The following CRACDL variants were observed in gnomAD, a reference collection of about 807,000 sequenced individuals.
CRACDL encodes the protein CRACD like.
CRACDL carries 26 observed loss-of-function variants against 70.6 expected under a neutral mutation model. The observed-to-expected ratio is 0.37, with a 90% CI of 0.27 to 0.51. The LOEUF is 0.51. Ranked by LOEUF, CRACDL falls within the 20% of genes least tolerant of loss-of-function variation. The pLI, the probability that CRACDL is intolerant of heterozygous loss-of-function variation, is 0.94. For missense variants in CRACDL, 1,283 were observed against 1,376.9 expected (o/e 0.93, Z 1.08); for synonymous variants, 618 against 615.2 (o/e 1.00, Z -0.07).
At chr2:98,868,312 C>G (rs1217054401) in intron 1 of CRACDL, among the ~76,000 whole-genome samples, 1 of 152,230 alleles carries the variant, frequency 6.6e-6, no homozygotes, top group African/African-American at 2.4e-5. Flanking sequence ...ACAACAATTT[C>G]CCAAGACCGT....
At chr2:98,932,558 G>A (rs1285131318) in intron 1 of CRACDL, among the ~76,000 whole-genome samples, 1 of 152,146 alleles carries the variant, frequency 6.6e-6, no homozygotes, top group African/African-American at 2.4e-5. Context: ...ACGGTGGTTT[G>A]GAAGACGCCC....
At chr2:98,908,157 GCTCC>G (rs1708460528) in intron 1 of CRACDL, among the ~76,000 whole-genome samples, 1 of 152,226 alleles carries the variant, frequency 6.6e-6, no homozygotes, top group African/African-American at 2.4e-5. Context: ...GTACCCTGGA[GCTCC>G]TTTCATGTTC....
intron 1 of CRACDL, among the ~76,000 whole-genome samples, chr2:98,855,285 CAA>C (rs1209549636): frequency 2.6e-4 from 25 of 96,592 alleles, no homozygotes; most frequent in East Asian, 2.9e-4. Flanking sequence ...GACTCCATCT[CAA>C]AAAAAAAAAA....
chr2:98,825,230 C>G (rs1363675238), intron 6 of CRACDL, among the ~76,000 whole-genome samples: 1 of 152,130 alleles, frequency 6.6e-6, no homozygotes, highest in Admixed American at 6.5e-5. Flanking sequence ...AAAATATGGA[C>G]ACCTCTGAGA....
At chr2:98,805,506 C>T (rs1376545575) in intron 7 of CRACDL, among the ~76,000 whole-genome samples, 1 of 152,168 alleles carries the variant, frequency 6.6e-6, no homozygotes, top group Non-Finnish European at 1.5e-5. Context: ...CGTAGGGCCT[C>T]ACCCCCTTTG....
chr2:98,912,460 C>T (rs1708567511), intron 1 of CRACDL, among the ~76,000 whole-genome samples: 1 of 152,242 alleles, frequency 6.6e-6, no homozygotes, highest in African/African-American at 2.4e-5. Context: ...ATGTTTGTCT[C>T]CGGCAGGCGG....
At chr2:98,889,859 T>G (rs1707918078) in intron 1 of CRACDL, among the ~76,000 whole-genome samples, 1 of 152,092 alleles carries the variant, frequency 6.6e-6, no homozygotes, top group South Asian at 2.1e-4. Context: ...CAAAAGAAAT[T>G]TGAGAAATTC....
intron 9 of CRACDL, among the ~76,000 whole-genome samples, chr2:98,795,059 A>T (rs1451451975): frequency 0.055 from 2,253 of 40,780 alleles, 407 homozygotes; most frequent in South Asian, 0.23. Context: ...ATATATATAT[A>T]TATATATATA....
At chr2:98,891,289 A>G (rs112875429) in intron 1 of CRACDL, among the ~76,000 whole-genome samples, 5,245 of 148,402 alleles carry the variant, frequency 0.035, 125 homozygotes, top group Non-Finnish European at 0.055. Context: ...AGGCAGGAGA[A>G]TCACTTGAAT....
intron 1 of CRACDL, among the ~76,000 whole-genome samples, chr2:98,892,595 C>A (rs1708007368): frequency 6.6e-6 from 1 of 151,752 alleles, no homozygotes; most frequent in African/African-American, 2.4e-5. Flanking sequence ...GAGGCTGAGG[C>A]AGGAGAATCG....
intron 1 of CRACDL, among the ~76,000 whole-genome samples, chr2:98,885,430 A>G (rs1707774961): frequency 1.3e-5 from 2 of 152,132 alleles, no homozygotes; most frequent in South Asian, 4.1e-4. Flanking sequence ...TAGCAACTGC[A>G]TTTTTAAAGT....
At chr2:98,896,522 T>C (rs987592749) in intron 1 of CRACDL, among the ~76,000 whole-genome samples, 5 of 152,074 alleles carry the variant, frequency 3.3e-5, no homozygotes, top group Non-Finnish European at 4.4e-5. Flanking sequence ...AGCTGCAAAC[T>C]CCACAATCTT....
chr2:98,902,867 A>C (rs1708316032), intron 1 of CRACDL, among the ~76,000 whole-genome samples: 1 of 152,120 alleles, frequency 6.6e-6, no homozygotes, highest in African/African-American at 2.4e-5. Context: ...GAAGCCCCAG[A>C]AAACATGCCC....
chr2:98,799,448 G>A (rs982666066), intron 7 of CRACDL, among the ~76,000 whole-genome samples: 3 of 151,976 alleles, frequency 2.0e-5, no homozygotes, highest in African/African-American at 7.3e-5. Context: ...AGCCAGGGAC[G>A]GCTCTCACTC....
At chr2:98,812,873 G>A (rs1249797958) in intron 7 of CRACDL, among the ~76,000 whole-genome samples, 1 of 152,092 alleles carries the variant, frequency 6.6e-6, no homozygotes, top group Non-Finnish European at 1.5e-5. Flanking sequence ...TTTTAATAAT[G>A]TCCAATTCAT....
At chr2:98,876,485 C>T (rs760271744) in intron 1 of CRACDL, among the ~76,000 whole-genome samples, 10 of 152,134 alleles carry the variant, frequency 6.6e-5, no homozygotes, top group Non-Finnish European at 1.5e-4. Context: ...ATTAGATTCT[C>T]ATAGGAGTGC....
chr2:98,840,787 G>T (rs181893685), intron 2 of CRACDL: 1 of 152,194 alleles, frequency 6.6e-6, no homozygotes, highest in Non-Finnish European at 1.5e-5. Context: ...ATCTTGCTGG[G>T]GAAATGAACA....
intron 1 of CRACDL, among the ~76,000 whole-genome samples, chr2:98,877,949 CT>C (rs35403434): frequency 0.041 from 5,649 of 138,366 alleles, 346 homozygotes; most frequent in African/African-American, 0.14. Flanking sequence ...CATTTTTAAT[CT>C]TTTTTTTTTT....
At chr2:98,806,676 A>T (rs1704311088) in intron 7 of CRACDL, among the ~76,000 whole-genome samples, 1 of 152,248 alleles carries the variant, frequency 6.6e-6, no homozygotes, top group Non-Finnish European at 1.5e-5. Flanking sequence ...AGCTGATATA[A>T]CTGTGACCTC....
Sources: allele counts gnomAD v4.1 joint callset (sites outside exome capture counted in the v4.1 genomes callset), GRCh38; gene constraint gnomAD v4.1.1; transcripts MANE v1.5; gene names NCBI Gene and HGNC (gene_info 2026-07-23, HGNC 2026-07-21).